The following EDARADD variants were observed in gnomAD, a reference collection of about 807,000 sequenced individuals.
EDARADD encodes EDAR associated via death domain.
A neutral mutation model predicts 25.6 loss-of-function variants in EDARADD; 20 were observed. That is an observed-to-expected ratio of 0.78 (90% CI 0.55 to 1.14). The LOEUF (loss-of-function observed/expected upper bound fraction) is 1.14, where lower values mean the gene tolerates loss of function less well. Ranked by LOEUF, EDARADD falls within the 50% of genes most tolerant of loss-of-function variation. The pLI is 0.00. For missense variants in EDARADD, 225 were observed against 270.1 expected (o/e 0.83, Z 1.17); for synonymous variants, 86 against 94.4 (o/e 0.91, Z 0.52).
Position 236,398,158 on chromosome 1 carries a change from TCTG to T in EDARADD, c.61+3654_61+3656del, listed in dbSNP as rs1484426885. 6.6e-6 allele frequency among the ~76,000 whole-genome samples: 1 copy of T among 152,174 alleles called. No individual in the cohort carries two copies. The highest frequency in any genetic ancestry group is 1.5e-5 in the Non-Finnish European group (1 of 68,040). On this transcript the variant is annotated intron_variant, in intron 1 of 5. Coordinates refer to ENST00000334232, the MANE Select transcript of EDARADD (RefSeq NM_145861.4). This position sits in a 1 kb window ranked among gnomAD's most constrained non-coding sequence, Gnocchi z 4.1. Reference sequence around the variant, plus strand: ...ATTATTTTTCAAGATGGAGTCTCACTCTGTCACCCAGGCTGGAGTGCAGTGGCG... The same window carrying T: ...ATTATTTTTCAAGATGGAGTCTCACTTCACCCAGGCTGGAGTGCAGTGGCG...
At chr1:236,394,157 G>A, upstream of EDARADD, 1 of 415,632 alleles carries the variant, frequency 2.4e-6, no homozygotes, top group Admixed American at 3.7e-5. Flanking sequence ...CTCAACTAGT[G>A]TTTCCTGACG....
At chr1:236,426,722 A>C (rs1657928896) in intron 3 of EDARADD, among the ~76,000 whole-genome samples, 1 of 152,154 alleles carries the variant, frequency 6.6e-6, no homozygotes, top group African/African-American at 2.4e-5. Context: ...AGCATGGACA[A>C]CACAGTGAGG....
chr1:236,435,378 C>A (rs111318298), intron 4 of EDARADD, among the ~76,000 whole-genome samples: 116 of 152,296 alleles, frequency 7.6e-4, no homozygotes, highest in African/African-American at 2.7e-3. Context: ...TAGGCTATGC[C>A]CCTTGAGGGC....
Position 236,395,467 on chromosome 1 carries a change from GA to G in EDARADD, c.61+964del. The G allele has an allele frequency of 6.7e-7, 1 of 1,498,128 alleles. No individual in the cohort carries two copies. Among genetic ancestry groups the G allele is most frequent in the South Asian group, 1.3e-5 (1 of 79,232 alleles). 92.8% of individuals were successfully genotyped at this position (1,498,128 alleles called of 1,614,324 possible). ...TGGAAGAAGCGAAGGAGGAGAAGAAGAAGGGAGGGGAAGGCGGAGGAGGGCA... is the reference window on the plus strand; with the variant it reads ...TGGAAGAAGCGAAGGAGGAGAAGAAGAGGGAGGGGAAGGCGGAGGAGGGCA... On this transcript the variant is annotated intron_variant, in intron 1 of 5. Coordinates refer to ENST00000334232, the MANE Select transcript of EDARADD (RefSeq NM_145861.4). This position sits in a 1 kb window ranked among gnomAD's most constrained non-coding sequence, Gnocchi z 6.9.
At chr1:236,402,500 T>A (rs1490903519) in intron 1 of EDARADD, among the ~76,000 whole-genome samples, 1 of 152,194 alleles carries the variant, frequency 6.6e-6, no homozygotes, top group Middle Eastern at 3.2e-3. Context: ...GAGGCTGCAG[T>A]GAGCTGTGAT....
intron 3 of EDARADD, among the ~76,000 whole-genome samples, chr1:236,372,026 G>A (rs970586676): frequency 3.3e-4 from 50 of 151,874 alleles, no homozygotes; most frequent in South Asian, 4.2e-4. Context: ...GTGCGATCTC[G>A]GCTCACTGCA....
rs1272378956 is a variant in EDARADD, at chr1:236,384,629, A to T, written c.-5-24587A>T. Among the ~76,000 whole-genome samples the T allele has an allele frequency of 2.6e-5, 4 of 152,020 alleles. No individual in the cohort carries two copies. The South Asian group carries it at 6.2e-4, about 24-fold the overall frequency. On this transcript the variant is annotated intron_variant, in intron 3 of 7. Transcript: ENST00000439430. ...GGTCTCAAACTCCTGGGCTCAAGTG[A>T]TCCTCCCACCTCAGCCTCCTGAGTA...
intron 4 of EDARADD, among the ~76,000 whole-genome samples, chr1:236,446,501 G>A (rs1236293249): frequency 4.0e-5 from 6 of 151,658 alleles, no homozygotes; most frequent in African/African-American, 1.5e-4. Context: ...GCAGTGAGCC[G>A]AGATCGCACC....
chr1:236,466,635 G>A (rs980499475), intron 4 of EDARADD, among the ~76,000 whole-genome samples: 40 of 152,182 alleles, frequency 2.6e-4, no homozygotes, highest in Non-Finnish European at 1.5e-4. Context: ...GAATGTGCCT[G>A]TGTGAAAACA....
chr1:236,463,639 G>A (rs539226105), intron 4 of EDARADD, among the ~76,000 whole-genome samples: 160 of 152,234 alleles, frequency 1.1e-3, no homozygotes, highest in Admixed American at 1.6e-3. Flanking sequence ...AAGTATATTC[G>A]CGGTGTTGTG....
rs1345878705 is a variant in EDARADD, at chr1:236,395,524, C to A, written c.61+1019C>A. ...GCGCAGAGCCACGGTTTGCTCCAGGCGCGTCGGAACCGCAGGACTTTTCAT... is the reference window on the plus strand; with the variant it reads ...GCGCAGAGCCACGGTTTGCTCCAGGAGCGTCGGAACCGCAGGACTTTTCAT... On this transcript the variant is annotated intron_variant, in intron 1 of 5. Transcript: ENST00000334232. This position sits in a 1 kb window ranked among gnomAD's most constrained non-coding sequence, Gnocchi z 6.9. 1 of 1,534,462 alleles carries A rather than the reference C, an allele frequency of 6.5e-7. No homozygotes were observed.
At chr1:236,475,637 G>C (rs182851731) in intron 5 of EDARADD, among the ~76,000 whole-genome samples, 1 of 151,730 alleles carries the variant, frequency 6.6e-6, no homozygotes, top group Non-Finnish European at 1.5e-5. Context: ...AGTGGCAGGC[G>C]CCTCTAATCT....
At chr1:236,349,181 A>ATT (rs112630267) in intron 2 of EDARADD, among the ~76,000 whole-genome samples, 4 of 145,892 alleles carry the variant, frequency 2.7e-5, no homozygotes, top group Non-Finnish European at 3.0e-5. Context: ...GTGTACTCAA[A>ATT]ATTTTTTTTG....
chr1:236,464,250 A>ATTTTTTTTTTTTTTTTTTTTTTTT (rs34675825), intron 4 of EDARADD, among the ~76,000 whole-genome samples: 1 of 142,392 alleles, frequency 7.0e-6, no homozygotes, highest in African/African-American at 2.6e-5. Flanking sequence ...TTCTGCAAGT[A>ATTTTTTTTTTTTTTTTTTTTTTTT]TTATTTTTTT....
At chr1:236,363,335 A>G (rs2812462) in intron 3 of EDARADD, among the ~76,000 whole-genome samples, 52,704 of 151,282 alleles carry the variant, frequency 0.35, 9,433 homozygotes, top group African/African-American at 0.44. Context: ...GGGAGTGATT[A>G]GATCATAGGG....
intron 5 of EDARADD, among the ~76,000 whole-genome samples, chr1:236,471,058 T>G (rs1047838259): frequency 3.9e-5 from 6 of 152,206 alleles, no homozygotes; most frequent in Non-Finnish European, 8.8e-5. Flanking sequence ...TGGGTCCTTT[T>G]GTATGTGAGA....
intron 3 of EDARADD, among the ~76,000 whole-genome samples, chr1:236,370,133 G>C (rs1257285115): frequency 6.6e-6 from 1 of 151,848 alleles, no homozygotes; most frequent in Non-Finnish European, 1.5e-5. Context: ...TCAAGACGGG[G>C]GAATTGGCCA....
chr1:236,448,335 TCATGTGGTCTG>T (rs1419426588), intron 4 of EDARADD, among the ~76,000 whole-genome samples: 1 of 152,202 alleles, frequency 6.6e-6, no homozygotes, highest in Non-Finnish European at 1.5e-5. Context: ...GCTGAACTCT[TCATGTGGTCTG>T]CATGTGGGCT....
intron 3 of EDARADD, among the ~76,000 whole-genome samples, chr1:236,383,417 G>A (rs912824021): frequency 6.6e-6 from 1 of 150,994 alleles, no homozygotes; most frequent in African/African-American, 2.4e-5. Context: ...TCTCAAGGCA[G>A]TAAGCTGAGT....
Sources: gnomAD v4.1 joint callset for allele counts (sites outside exome capture counted in the v4.1 genomes callset) on GRCh38, gnomAD v4.1.1 for gene constraint, Gnocchi (gnomAD v3.1) non-coding constraint, MANE v1.5 for transcripts, NCBI Gene and HGNC (gene_info 2026-07-23, HGNC 2026-07-21) for gene names.